Variants in LRMDA observed in about 807,000 individuals in gnomAD.
LRMDA encodes the protein leucine-rich melanocyte differentiation-associated protein.
In LRMDA, 18 loss-of-function variants were observed where a neutral mutation model predicts 29.8. The ratio of observed to expected loss-of-function variants is 0.60; its 90% CI spans 0.42 to 0.90. The LOEUF (loss-of-function observed/expected upper bound fraction) is 0.90. Ranked by LOEUF, LRMDA falls within the 40% of genes least tolerant of loss-of-function variation. The probability of loss-of-function intolerance (pLI) is 0.00; values close to 1 mark genes in which losing one functional copy is unlikely to be tolerated. For missense variants in LRMDA, 273 were observed against 273.9 expected, an observed-to-expected ratio of 1.00 and a Z score of 0.02; for synonymous variants, 125 against 109.4, an observed-to-expected ratio of 1.14 and a Z score of -0.89.
At chr10:75,698,301 A>G (rs1164451970) in intron 2 of LRMDA, among the ~76,000 whole-genome samples, 1 of 152,150 alleles carries the variant, frequency 6.6e-6, no homozygotes, top group Non-Finnish European at 1.5e-5. Context: ...CAACTCCCTT[A>G]GCATCTCTCG....
At chr10:76,044,439 GTTT>G (rs3042545) in intron 3 of LRMDA, among the ~76,000 whole-genome samples, 56,921 of 136,874 alleles carry the variant, frequency 0.42, 11,471 homozygotes, top group Non-Finnish European at 0.45. Context: ...TTTTTTCTTT[GTTT>G]TTTTTTTTTT....
intron 2 of LRMDA, among the ~76,000 whole-genome samples, chr10:75,532,521 G>A (rs1845489566): frequency 6.6e-6 from 1 of 152,156 alleles, no homozygotes; most frequent in Admixed American, 6.5e-5. Context: ...TGCTTTCTAG[G>A]GGCTGGAGGT....
chr10:75,489,680 G>A (rs1206854461), intron 2 of LRMDA, among the ~76,000 whole-genome samples: 1 of 152,176 alleles, frequency 6.6e-6, no homozygotes, highest in Non-Finnish European at 1.5e-5. Context: ...CTCTCCCCAA[G>A]CCTTGTTATC....
chr10:75,876,668 G>A (rs187748638), intron 2 of LRMDA, among the ~76,000 whole-genome samples: 4 of 152,230 alleles, frequency 2.6e-5, no homozygotes, highest in Non-Finnish European at 4.4e-5. Context: ...GGTGCAGGAC[G>A]CTAGAGCTCT....
chr10:76,518,782 A>G (rs1161149393), intron 6 of LRMDA, among the ~76,000 whole-genome samples: 1 of 152,208 alleles, frequency 6.6e-6, no homozygotes, highest in Non-Finnish European at 1.5e-5. Flanking sequence ...TGATAGCTCA[A>G]ACAGAACAAA....
At chr10:75,554,650 G>A (rs1840192295) in intron 2 of LRMDA, among the ~76,000 whole-genome samples, 1 of 152,170 alleles carries the variant, frequency 6.6e-6, no homozygotes, top group Non-Finnish European at 1.5e-5. Flanking sequence ...ACTTGCCAAT[G>A]TTTAAAGACG....
At chr10:75,570,270 C>G (rs1589188899) in intron 2 of LRMDA, among the ~76,000 whole-genome samples, 1 of 152,162 alleles carries the variant, frequency 6.6e-6, no homozygotes, top group Non-Finnish European at 1.5e-5. Flanking sequence ...TTGAAAGTAT[C>G]TTGAAAGGTT....
At chr10:76,340,853 A>C (rs1190005331) in intron 6 of LRMDA, among the ~76,000 whole-genome samples, 9 of 152,186 alleles carry the variant, frequency 5.9e-5, no homozygotes, top group Non-Finnish European at 1.3e-4. Flanking sequence ...AGGAGTAGGC[A>C]AACTTTTTCT....
chr10:75,472,212 A>G (rs1245315135), intron 2 of LRMDA, among the ~76,000 whole-genome samples: 1 of 151,822 alleles, frequency 6.6e-6, no homozygotes, highest in Non-Finnish European at 1.5e-5. Flanking sequence ...CTTGCCCCAA[A>G]CTCCCTGAAA....
intron 2 of LRMDA, among the ~76,000 whole-genome samples, chr10:75,855,480 G>A (rs1325411896): frequency 1.3e-5 from 2 of 152,206 alleles, no homozygotes; most frequent in Non-Finnish European, 2.9e-5. Context: ...TGTCAGATGA[G>A]TAGATTGCAG....
At chr10:76,292,051 GC>G (rs1840348261) in intron 5 of LRMDA, among the ~76,000 whole-genome samples, 1 of 152,038 alleles carries the variant, frequency 6.6e-6, no homozygotes, top group Admixed American at 6.6e-5. Context: ...GTATAATTAA[GC>G]CCATAGCAGG....
At position 76,055,504 on chromosome 10, in the gene LRMDA, C is replaced by T. The variant is rs551680997; in HGVS notation, c.399-3162C>T. Among the ~76,000 whole-genome samples, 26 of 152,300 alleles carry T rather than the reference C, an allele frequency of 1.7e-4. No homozygotes were observed. The South Asian group carries it at 5.4e-3, about 32-fold the overall frequency. On this transcript the variant is annotated intron_variant, in intron 4 of 6. Transcript: ENST00000611255. ...TTGGGAACCTCTGTGACTGGTGGTTCCTTTGCCTGAGTTTTGCTTGGGCCT... is the reference window on the plus strand; with the variant it reads ...TTGGGAACCTCTGTGACTGGTGGTTTCTTTGCCTGAGTTTTGCTTGGGCCT...
intron 2 of LRMDA, among the ~76,000 whole-genome samples, chr10:75,591,300 T>C (rs945648569): frequency 1.3e-5 from 2 of 152,076 alleles, no homozygotes; most frequent in African/African-American, 4.8e-5. Context: ...GGTGGGTACA[T>C]GGATAGGGTA....
chr10:76,265,224 A>G (rs539561485), intron 5 of LRMDA, among the ~76,000 whole-genome samples: 9 of 152,250 alleles, frequency 5.9e-5, no homozygotes, highest in South Asian at 2.1e-4. Context: ...TCTGTACCTT[A>G]TTCATGTTTC....
intron 5 of LRMDA, among the ~76,000 whole-genome samples, chr10:76,153,523 C>A (rs60923588): frequency 6.6e-6 from 1 of 152,096 alleles, no homozygotes; most frequent in Admixed American, 6.6e-5. Flanking sequence ...CAAATGTAGT[C>A]TTTTGCATGT....
intron 4 of LRMDA, among the ~76,000 whole-genome samples, chr10:76,049,503 C>T (rs1457736458): frequency 6.6e-6 from 1 of 152,116 alleles, no homozygotes; most frequent in Non-Finnish European, 1.5e-5. Context: ...TTCTCTAGCA[C>T]ATTTAAATTT....
At chr10:76,234,617 C>G (rs1455216926) in intron 5 of LRMDA, among the ~76,000 whole-genome samples, 1 of 152,196 alleles carries the variant, frequency 6.6e-6, no homozygotes, top group Non-Finnish European at 1.5e-5. Context: ...TAGTCACCTT[C>G]ATCAAATCTT....
intron 2 of LRMDA, among the ~76,000 whole-genome samples, chr10:75,483,839 C>T (rs1844879181): frequency 3.7e-5 from 4 of 108,048 alleles, no homozygotes; most frequent in Non-Finnish European, 6.1e-5. Flanking sequence ...TTTTTTCCTT[C>T]TGTAATTGCA....
intron 2 of LRMDA, among the ~76,000 whole-genome samples, chr10:75,986,076 G>C (rs150435904): frequency 1.5e-4 from 23 of 152,308 alleles, no homozygotes; most frequent in East Asian, 1.4e-3. Flanking sequence ...TGGGCCTATG[G>C]ATCTTAACCA....
Sources: allele counts gnomAD v4.1 joint callset (sites outside exome capture counted in the v4.1 genomes callset), GRCh38; gene constraint gnomAD v4.1.1; transcripts MANE v1.5; gene names NCBI Gene and HGNC (gene_info 2026-07-23, HGNC 2026-07-21).